Variants in PCDHA5 observed in about 807,000 individuals in gnomAD.
The protein encoded by PCDHA5 is protocadherin alpha-5.
PCDHA5 carries 43 observed loss-of-function variants against 61.6 expected under a neutral mutation model. That is an observed-to-expected ratio of 0.70 (90% CI 0.55 to 0.90). The LOEUF (loss-of-function observed/expected upper bound fraction) is 0.90, where lower values mean the gene tolerates loss of function less well. Among genes scored for constraint, PCDHA5 ranks in the 40% least tolerant of loss-of-function variants. PCDHA5 has a pLI of 0.00. For missense variants in PCDHA5, 1,298 were observed against 1,222.7 expected, an observed-to-expected ratio of 1.06 and a Z score of -0.92; for synonymous variants, 627 against 543.9, an observed-to-expected ratio of 1.15 and a Z score of -2.13.
At chr5:140,908,452 T>A (rs2073982140) in intron 1 of PCDHA5, among the ~76,000 whole-genome samples, 1 of 152,196 alleles carries the variant, frequency 6.6e-6, no homozygotes, top group African/African-American at 2.4e-5. Context: ...TATGGCTAGA[T>A]GGATCAGAAA....
chr5:140,868,889 C>A, intron 1 of PCDHA5: 1 of 744,508 alleles, frequency 1.3e-6, no homozygotes, highest in Non-Finnish European at 2.1e-6. Flanking sequence ...CAGTTTTAGG[C>A]GCAAGGTGTC....
At chr5:140,964,227 G>A (rs1245581815) in intron 1 of PCDHA5, among the ~76,000 whole-genome samples, 1 of 152,222 alleles carries the variant, frequency 6.6e-6, no homozygotes, top group African/African-American at 2.4e-5. Context: ...CTTTCAAAAT[G>A]AGGCTGATTG....
intron 1 of PCDHA5, chr5:140,967,740 A>T (rs2096177949): frequency 6.2e-6 from 10 of 1,614,052 alleles, no homozygotes; most frequent in Non-Finnish European, 8.5e-6. Flanking sequence ...GGGCTGGATT[A>T]TGAGGAAGCC....
chr5:140,863,123 GCCACCGCCTGCTGGTGCTGGTGAAGGA>G, intron 1 of PCDHA5: 1 of 593,078 alleles, frequency 1.7e-6, no homozygotes, highest in Non-Finnish European at 3.3e-6. Context: ...AAAGCTACGC[GCCACCGCCTGCTGGTGCTGGTGAAGGA>G]CCACTGCGAG....
intron 1 of PCDHA5, among the ~76,000 whole-genome samples, chr5:140,938,831 A>G (rs782069247): frequency 2.0e-5 from 3 of 152,118 alleles, no homozygotes; most frequent in Non-Finnish European, 4.4e-5. Flanking sequence ...AGTTTGCGTT[A>G]TAACAAACCT....
intron 3 of PCDHA5, among the ~76,000 whole-genome samples, chr5:141,008,123 G>A (rs1437358425): frequency 6.6e-6 from 1 of 152,144 alleles, no homozygotes; most frequent in East Asian, 1.9e-4. Context: ...GTTTCAAGAA[G>A]GGGATGACAA....
At chr5:140,910,837 A>G (rs1217601068) in intron 1 of PCDHA5, among the ~76,000 whole-genome samples, 1 of 152,188 alleles carries the variant, frequency 6.6e-6, no homozygotes, top group Non-Finnish European at 1.5e-5. Context: ...GCCTGATCCA[A>G]TGCCTTGGAT....
chr5:140,850,457 C>A lies in PCDHA5; in HGVS notation c.2352+26330C>A. ...GCCTACTGGTGCTGGTGAAAGACCA[C>A]GGGGAGCCAGCGCTGACGGCCACGG... On this transcript the variant is annotated intron_variant, in intron 1 of 3. Transcript: ENST00000529859. The A allele has an allele frequency of 3.1e-6, 5 of 1,597,798 alleles. 1 individual carries two copies. Among genetic ancestry groups the A allele is most frequent in the Non-Finnish European group, 4.3e-6 (5 of 1,167,620 alleles).
chr5:140,853,173 C>T, intron 1 of PCDHA5: 1 of 969,590 alleles, frequency 1.0e-6, no homozygotes, highest in South Asian at 4.8e-5. Context: ...GCCACCGCGC[C>T]TGGCCTAAAA....
At chr5:140,827,817 A>G (rs1769419450) in intron 1 of PCDHA5, 3 of 368,424 alleles carry the variant, frequency 8.1e-6, no homozygotes, top group Non-Finnish European at 9.6e-6. Flanking sequence ...AGGAGGGTTT[A>G]CTATAAAAGT....
chr5:140,883,142 G>A (rs150205860), intron 1 of PCDHA5: 1 of 1,614,004 alleles, frequency 6.2e-7, no homozygotes, highest in South Asian at 1.1e-5. Flanking sequence ...AGTGGTATAT[G>A]CATTTACCAT....
rs975637071 is a variant in PCDHA5 at position 141,011,970 on chromosome 5, C to A, written c.*2033C>A. On this transcript the variant is annotated 3_prime_UTR_variant, in exon 4 of 4. Transcript: ENST00000529859. ...AGCATTAAATTTAAAAAAAAACTGTCTTGTCTACTTTTAGCTTCATTCTCC... is the reference window on the plus strand; with the variant it reads ...AGCATTAAATTTAAAAAAAAACTGTATTGTCTACTTTTAGCTTCATTCTCC... 6.5e-6 allele frequency: 1 copy of A among 153,576 alleles called. No individual in the cohort carries two copies. The highest frequency in any genetic ancestry group is 6.6e-5 in the Admixed American group (1 of 15,252). The allele number at this position is 153,576 out of a possible 1,614,324, so 9.5% of individuals were successfully genotyped here. A position where few individuals can be genotyped will look rare whatever the true frequency, so the allele number is the denominator to read the frequency against.
At chr5:140,922,993 T>A (rs2081107625) in intron 1 of PCDHA5, among the ~76,000 whole-genome samples, 1 of 152,054 alleles carries the variant, frequency 6.6e-6, no homozygotes, top group Non-Finnish European at 1.5e-5. Context: ...AGGCAAGCCA[T>A]GAGAATGGTT....
intron 1 of PCDHA5, chr5:140,824,423 T>C: frequency 2.0e-6 from 1 of 504,742 alleles, no homozygotes; most frequent in South Asian, 2.9e-5. Context: ...TTTGGAGTCA[T>C]TCTCAAAGTT....
intron 1 of PCDHA5, among the ~76,000 whole-genome samples, chr5:140,922,582 G>T (rs548638056): frequency 6.6e-5 from 10 of 152,160 alleles, no homozygotes; most frequent in Non-Finnish European, 1.5e-4. Flanking sequence ...CCCTGTAGCC[G>T]CCAGTTCTCA....
intron 1 of PCDHA5, chr5:140,875,516 T>C: frequency 6.2e-7 from 1 of 1,613,976 alleles, no homozygotes; most frequent in Non-Finnish European, 8.5e-7. Context: ...CAGCGTCTGC[T>C]GCTCTCGCTT....
intron 1 of PCDHA5, chr5:140,829,787 C>T: frequency 6.2e-7 from 1 of 1,613,830 alleles, no homozygotes; most frequent in Non-Finnish European, 8.5e-7. Context: ...GCCGGCGCTG[C>T]TGGCGCCTCG....
intron 1 of PCDHA5, chr5:140,869,354 T>C (rs782282863): frequency 6.2e-7 from 1 of 1,614,116 alleles, no homozygotes; most frequent in Non-Finnish European, 8.5e-7. Context: ...AATGGCATTT[T>C]GTTTGTGAAT....
chr5:140,980,363 G>A (rs1477868054), intron 2 of PCDHA5, among the ~76,000 whole-genome samples: 1 of 152,204 alleles, frequency 6.6e-6, no homozygotes, highest in Non-Finnish European at 1.5e-5. Context: ...TGGGCGCGGT[G>A]GCTCACACCT....
Sources: allele counts gnomAD v4.1 joint callset (sites outside exome capture counted in the v4.1 genomes callset), GRCh38; gene constraint gnomAD v4.1.1; transcripts MANE v1.5; gene names NCBI Gene and HGNC (gene_info 2026-07-23, HGNC 2026-07-21).